CAPZA1: variants seen among roughly 807,000 people sequenced by gnomAD.
CAPZA1 encodes the protein capping actin protein of muscle Z-line subunit alpha 1, also known as F-actin-capping protein subunit alpha-1.
CAPZA1 carries 10 observed loss-of-function variants against 40.8 expected under a neutral mutation model. That is an observed-to-expected ratio of 0.25 (90% CI 0.15 to 0.42). The LOEUF (loss-of-function observed/expected upper bound fraction) is 0.42. Among genes scored for constraint, CAPZA1 ranks in the 10% least tolerant of loss-of-function variants. CAPZA1 has a pLI of 1.00. For missense variants in CAPZA1, 277 were observed against 353.8 expected, an observed-to-expected ratio of 0.78 and a Z score of 1.74; for synonymous variants, 98 against 115.0, an observed-to-expected ratio of 0.85 and a Z score of 0.95.
chr1:112,667,461 T>C (rs561745245), intron 8 of CAPZA1, among the ~76,000 whole-genome samples: 2 of 152,304 alleles, frequency 1.3e-5, no homozygotes, highest in South Asian at 2.1e-4. Flanking sequence ...CTGCATCCTA[T>C]AGGGCTGCAT....
intron 2 of CAPZA1, among the ~76,000 whole-genome samples, chr1:112,648,347 CTTTTTTTTTT>C (rs35670246): frequency 9.1e-5 from 9 of 99,388 alleles, no homozygotes; most frequent in African/African-American, 1.5e-4. Flanking sequence ...TTGAATTTTT[CTTTTTTTTTT>C]TTTTTTTTTT....
intron 1 of CAPZA1, among the ~76,000 whole-genome samples, chr1:112,645,708 ATTGCT>A (rs1057072778): frequency 2.0e-5 from 3 of 150,340 alleles, no homozygotes; most frequent in African/African-American, 7.4e-5. Flanking sequence ...ACTAAAATAA[ATTGCT>A]TTGCTCTACA....
At position 112,656,466 on chromosome 1, in the gene CAPZA1, T is replaced by TTTTTTA. The variant is rs1553180448; in HGVS notation, c.426+1795_426+1796insTTTTTA. ...TTTTTTTTTTTTTTTTTTTTTTTTT[T>TTTTTTA]AATGAGAATACCCATTATGGTGGAC... On this transcript the variant is annotated intron_variant, in intron 5 of 9. Transcript: ENST00000263168. Among the ~76,000 whole-genome samples, 15 of 94,396 alleles carry TTTTTTA rather than the reference T, an allele frequency of 1.6e-4. 1 individual carries two copies. The highest frequency in any genetic ancestry group is 8.5e-3 in the Middle Eastern group (1 of 118). 61.9% of individuals were successfully genotyped at this position (94,396 alleles called of 152,430 possible).
intron 1 of CAPZA1, among the ~76,000 whole-genome samples, chr1:112,640,847 A>G (rs1671142413): frequency 6.6e-6 from 1 of 152,136 alleles, no homozygotes; most frequent in East Asian, 1.9e-4. Context: ...GGAGGTAGAC[A>G]TGGGAGACTT....
intron 1 of CAPZA1, among the ~76,000 whole-genome samples, chr1:112,639,925 C>T (rs1671104828): frequency 2.1e-5 from 3 of 140,486 alleles, no homozygotes; most frequent in East Asian, 2.2e-4. Flanking sequence ...GGGGGGTCAG[C>T]CCCCCGCCCG....
intron 1 of CAPZA1, among the ~76,000 whole-genome samples, chr1:112,621,832 G>A (rs138311803): frequency 5.2e-5 from 7 of 135,474 alleles, no homozygotes; most frequent in Non-Finnish European, 9.2e-5. Context: ...TGCGATCTCC[G>A]CTCGCTGCAA....
chr1:112,659,301 G>A (rs1671556958), intron 6 of CAPZA1, 200 bp downstream of exon 6: 1 of 570,636 alleles, frequency 1.8e-6, no homozygotes, highest in Non-Finnish European at 3.1e-6. Context: ...TTTTGAGTGA[G>A]AACAAGTGAT....
Position 112,639,731 on chromosome 1 carries a change from ACATGCTC to A in CAPZA1, c.40-7477_40-7471del, listed in dbSNP as rs1280956400. Among the ~76,000 whole-genome samples the A allele has an allele frequency of 1.3e-5, 2 of 151,894 alleles. 1 individual carries two copies. Among genetic ancestry groups the A allele is most frequent in the Non-Finnish European group, 2.9e-5 (2 of 67,986 alleles). On this transcript the variant is annotated intron_variant, in intron 1 of 9. Transcript: ENST00000263168. Reference sequence around the variant, plus strand: ...AAAAATTAAAGGATGAGGGATGTTGACATGCTCCTTTTTTTATTAAAAAAATTGGCCA... The same window carrying A: ...AAAAATTAAAGGATGAGGGATGTTGACTTTTTTTATTAAAAAAATTGGCCA...
rs140020324 is a variant in CAPZA1, at chr1:112,656,650, T to C, written c.426+1979T>C. 2.0e-3 allele frequency among the ~76,000 whole-genome samples: 306 copies of C among 151,982 alleles called. 2 individuals are homozygous for C. The highest frequency in any genetic ancestry group is 6.7e-3 in the African/African-American group (276 of 41,456). The stretch of plus-strand genomic sequence containing the variant: ...ACTACCCATTCTTAATTTGGAGAGC[T>C]CCAGCACCAAATAACCCTACTGTGT... On this transcript the variant is annotated intron_variant, in intron 5 of 9. Transcript: ENST00000263168.
At chr1:112,660,932 A>G (rs61203550) in intron 7 of CAPZA1, among the ~76,000 whole-genome samples, 4,586 of 137,962 alleles carry the variant, frequency 0.033, 261 homozygotes, top group African/African-American at 0.12. Context: ...ATCTTGGCTC[A>G]CTGCAACCTC....
chr1:112,640,995 T>C (rs899102647), intron 1 of CAPZA1, among the ~76,000 whole-genome samples: 3 of 152,156 alleles, frequency 2.0e-5, no homozygotes, highest in Non-Finnish European at 4.4e-5. Flanking sequence ...GTGCAAGATG[T>C]GCTTTGTTAA....
intron 1 of CAPZA1, among the ~76,000 whole-genome samples, chr1:112,642,745 A>G (rs527359868): frequency 6.6e-6 from 1 of 152,268 alleles, no homozygotes; most frequent in Non-Finnish European, 1.5e-5. Context: ...CTTCTATCGA[A>G]ACAAACTGCT....
chr1:112,663,028 G>A (rs1002268176), intron 7 of CAPZA1, among the ~76,000 whole-genome samples: 1 of 151,700 alleles, frequency 6.6e-6, no homozygotes, highest in Non-Finnish European at 1.5e-5. Context: ...GCAGTGACAC[G>A]ACCTTGGCTC....
intron 1 of CAPZA1, among the ~76,000 whole-genome samples, chr1:112,640,824 T>C (rs919303935): frequency 5.9e-5 from 9 of 152,212 alleles, no homozygotes; most frequent in Non-Finnish European, 1.2e-4. Context: ...ATGGTTGCCG[T>C]GTCTGTGTAG....
intron 1 of CAPZA1, among the ~76,000 whole-genome samples, chr1:112,646,100 A>G (rs1474722644): frequency 6.6e-6 from 1 of 152,242 alleles, no homozygotes; most frequent in East Asian, 1.9e-4. Context: ...AGATAAGCGG[A>G]TTAGAACCTA....
chr1:112,661,032 A>AT (rs1671597245), intron 7 of CAPZA1, among the ~76,000 whole-genome samples: 2 of 151,510 alleles, frequency 1.3e-5, no homozygotes, highest in Non-Finnish European at 2.9e-5. Flanking sequence ...TAATTTTTGT[A>AT]TTTTTAGTAG....
At chr1:112,657,154 C>T (rs533940530) in intron 5 of CAPZA1, among the ~76,000 whole-genome samples, 19 of 152,182 alleles carry the variant, frequency 1.2e-4, no homozygotes, top group Non-Finnish European at 2.6e-4. Flanking sequence ...TTCGCCTCAG[C>T]TTCCCAAGTA....
intron 9 of CAPZA1, among the ~76,000 whole-genome samples, 165 bp downstream of exon 9, chr1:112,669,770 C>T (rs746282943): frequency 6.6e-6 from 1 of 152,186 alleles, no homozygotes; most frequent in Non-Finnish European, 1.5e-5. Context: ...TGCTTACAGT[C>T]AGGGTTTGAG....
chr1:112,641,089 G>GGC (rs1345950719), intron 1 of CAPZA1, among the ~76,000 whole-genome samples: 1 of 152,106 alleles, frequency 6.6e-6, no homozygotes, highest in Non-Finnish European at 1.5e-5. Flanking sequence ...CGCTGCGGAA[G>GGC]GCCGCAGGGT....
Sources: allele counts gnomAD v4.1 joint callset (sites outside exome capture counted in the v4.1 genomes callset), GRCh38; gene constraint gnomAD v4.1.1; transcripts MANE v1.5; gene names NCBI Gene and HGNC (gene_info 2026-07-23, HGNC 2026-07-21).